Variants in DNAH11 observed in about 807,000 individuals in gnomAD.
The protein encoded by DNAH11 is axonemal beta dynein heavy chain 11.
A neutral mutation model predicts 526.0 loss-of-function variants in DNAH11; 442 were observed. That is an observed-to-expected ratio of 0.84 (90% confidence interval 0.78 to 0.91). The LOEUF (loss-of-function observed/expected upper bound fraction) is 0.91, where lower values mean the gene tolerates loss of function less well. Among genes scored for constraint, DNAH11 ranks in the 40% least tolerant of loss-of-function variants. The pLI, the probability that DNAH11 is intolerant of heterozygous loss-of-function variation, is 0.00. For synonymous variants in DNAH11, 2,461 were observed against 1,935.9 expected (o/e 1.27, Z -7.12); for missense variants, 6,989 against 5,448.7 (o/e 1.28, Z -8.90).
At chr7:21,676,176 G>C (rs2128470764) in intron 30 of DNAH11, among the ~76,000 whole-genome samples, 1 of 152,292 alleles carries the variant, frequency 6.6e-6, no homozygotes, top group South Asian at 2.1e-4. Context: ...TCTAGTTCAA[G>C]ATACATGCTG....
intron 2 of DNAH11, among the ~76,000 whole-genome samples, chr7:21,551,313 T>G (rs570347698): frequency 3.0e-4 from 46 of 152,360 alleles, no homozygotes; most frequent in African/African-American, 1.1e-3. Context: ...TGCAAGCTTG[T>G]TTCCTGTAGG....
intron 75 of DNAH11, among the ~76,000 whole-genome samples, chr7:21,881,536 A>G (rs1375908463): frequency 6.6e-6 from 1 of 152,206 alleles, no homozygotes; most frequent in African/African-American, 2.4e-5. Flanking sequence ...TTGGATTTCA[A>G]AAAGCAAGAA....
At chr7:21,566,017 C>T (rs1373804912) in intron 6 of DNAH11, among the ~76,000 whole-genome samples, 1 of 152,218 alleles carries the variant, frequency 6.6e-6, no homozygotes, top group Non-Finnish European at 1.5e-5. Context: ...TAAAACACCA[C>T]AATCCCTGTT....
At chr7:21,866,971 A>G (rs1312640038) in intron 71 of DNAH11, among the ~76,000 whole-genome samples, 1 of 152,240 alleles carries the variant, frequency 6.6e-6, no homozygotes, top group African/African-American at 2.4e-5. Context: ...AGGAACATGC[A>G]TTCATGCATT....
chr7:21,891,774 G>C (rs1358195787), intron 76 of DNAH11, among the ~76,000 whole-genome samples: 1 of 152,112 alleles, frequency 6.6e-6, no homozygotes, highest in Non-Finnish European at 1.5e-5. Flanking sequence ...AACAGACTTT[G>C]CTGTGAGTAG....
intron 37 of DNAH11, among the ~76,000 whole-genome samples, chr7:21,704,056 C>T (rs1379165051): frequency 6.6e-6 from 1 of 152,192 alleles, no homozygotes; most frequent in East Asian, 1.9e-4. Context: ...TTGAGATTAT[C>T]ATTCTAAGAT....
At chr7:21,898,713 C>G (rs1784622150) in intron 79 of DNAH11, among the ~76,000 whole-genome samples, 5 of 152,176 alleles carry the variant, frequency 3.3e-5, no homozygotes, top group Admixed American at 3.3e-4. Flanking sequence ...CTACCTTGCC[C>G]AATTGTGAGG....
chr7:21,570,023 CTGTT>C, intron 6 of DNAH11, 42 bp from the exon 7 acceptor site: 1 of 1,420,068 alleles, frequency 7.0e-7, no homozygotes, highest in Non-Finnish European at 9.5e-7. Flanking sequence ...CAGGGAAAAA[CTGTT>C]AAACATAGTT....
At chr7:21,798,283 A>G (rs1006925262) in intron 61 of DNAH11, among the ~76,000 whole-genome samples, 1 of 152,142 alleles carries the variant, frequency 6.6e-6, no homozygotes, top group Non-Finnish European at 1.5e-5. Context: ...TTTAGTAGAG[A>G]TGGAGTTTCA....
chr7:21,664,134 G>GT (rs5882820), intron 30 of DNAH11, among the ~76,000 whole-genome samples: 19,779 of 131,244 alleles, frequency 0.15, 1,720 homozygotes, highest in Admixed American at 0.3. Context: ...ATTTCCCAAA[G>GT]TTTTTTTTTT....
At chr7:21,857,389 C>T (rs563861065) in intron 68 of DNAH11, among the ~76,000 whole-genome samples, 6 of 152,292 alleles carry the variant, frequency 3.9e-5, no homozygotes, top group Admixed American at 6.5e-5. Flanking sequence ...TCAGTTCGCT[C>T]CAAACTGATT....
At chr7:21,696,294 G>C (rs1393425975) in intron 35 of DNAH11, among the ~76,000 whole-genome samples, 1 of 151,976 alleles carries the variant, frequency 6.6e-6, no homozygotes, top group African/African-American at 2.4e-5. Flanking sequence ...TAGTATTACT[G>C]TTCTTATTAA....
intron 65 of DNAH11, among the ~76,000 whole-genome samples, chr7:21,833,254 A>G (rs1350242860): frequency 6.6e-6 from 1 of 152,270 alleles, no homozygotes; most frequent in Non-Finnish European, 1.5e-5. Context: ...TGAAGTATGA[A>G]CATAAACCTG....
At chr7:21,635,811 C>T (rs1378612917) in intron 25 of DNAH11, 60 bp from the exon 26 acceptor site, 1 of 1,368,404 alleles carries the variant, frequency 7.3e-7, no homozygotes, top group Non-Finnish European at 1.0e-6. Context: ...GTGCCTCCCT[C>T]ATAGCACTCA....
At chr7:21,890,265 T>C (rs1435272504) in intron 76 of DNAH11, among the ~76,000 whole-genome samples, 1 of 152,180 alleles carries the variant, frequency 6.6e-6, no homozygotes, top group Non-Finnish European at 1.5e-5. Context: ...CCCTTTTGAG[T>C]TGGCTGTTTT....
chr7:21,857,237 G>A (rs1230888722), intron 68 of DNAH11, among the ~76,000 whole-genome samples: 1 of 152,108 alleles, frequency 6.6e-6, no homozygotes, highest in African/African-American at 2.4e-5. Context: ...AAGCCGTGAA[G>A]CTTTTTAGGA....
chr7:21,786,033 TA>T (rs1196638696), intron 58 of DNAH11, among the ~76,000 whole-genome samples: 1 of 152,214 alleles, frequency 6.6e-6, no homozygotes, highest in Non-Finnish European at 1.5e-5. Flanking sequence ...ACATATAATT[TA>T]TACTATTAAT....
chr7:21,841,314 A>G (rs1782195578), intron 65 of DNAH11, among the ~76,000 whole-genome samples: 1 of 152,220 alleles, frequency 6.6e-6, no homozygotes, highest in Non-Finnish European at 1.5e-5. Context: ...ATATATACAG[A>G]TATACATAAA....
chr7:21,575,682 C>G (rs1331360631), intron 8 of DNAH11, among the ~76,000 whole-genome samples: 2 of 152,138 alleles, frequency 1.3e-5, no homozygotes, highest in Non-Finnish European at 2.9e-5. Context: ...GGCCTTTTCC[C>G]TAGTCTTCCA....
Sources: gnomAD v4.1 joint callset for allele counts (sites outside exome capture counted in the v4.1 genomes callset) on GRCh38, gnomAD v4.1.1 for gene constraint, MANE v1.5 for transcripts, NCBI Gene and HGNC (gene_info 2026-07-23, HGNC 2026-07-21) for gene names.